The following DNM2 variants were observed in gnomAD, a reference collection of about 807,000 sequenced individuals.
DNM2 encodes the protein dynamin 2, also known as dynamin-2.
In DNM2, 15 loss-of-function variants were observed where a neutral mutation model predicts 99.0. The observed-to-expected ratio is 0.15, with a 90% CI of 0.10 to 0.23. DNM2 has a LOEUF of 0.23. Among genes scored for constraint, DNM2 ranks in the 10% least tolerant of loss-of-function variants. The pLI, the probability that DNM2 is intolerant of heterozygous loss-of-function variation, is 1.00. For missense variants in DNM2, 742 were observed against 1,189.4 expected, an observed-to-expected ratio of 0.62 and a Z score of 5.53; for synonymous variants, 525 against 481.2, an observed-to-expected ratio of 1.09 and a Z score of -1.19.
intron 5 of DNM2, among the ~76,000 whole-genome samples, chr19:10,780,604 C>T (rs2071336421): frequency 1.3e-5 from 2 of 152,080 alleles, no homozygotes; most frequent in Admixed American, 6.6e-5. Flanking sequence ...TTTTTCCTGG[C>T]GTACTAATGA....
rs748961685 is a variant in DNM2, at chr19:10,811,250, C to T, written c.1558-1014C>T. Reference sequence around the variant, plus strand: ...CACTCACATCCAGCCACCAAGGAGCCGCTGGAGCTGTGGGCTGGTGGCCCT... The same window carrying T: ...CACTCACATCCAGCCACCAAGGAGCTGCTGGAGCTGTGGGCTGGTGGCCCT... On this transcript the variant is annotated intron_variant, in intron 14 of 20. Transcript: ENST00000389253. The surrounding 1 kb of genome is among the most constrained non-coding windows in gnomAD (Gnocchi z 5.4). The T allele has an allele frequency of 5.5e-6, 1 of 182,902 alleles. No individual in the cohort carries two copies. Among genetic ancestry groups the T allele is most frequent in the Non-Finnish European group, 1.2e-5 (1 of 85,696 alleles). The allele number at this position is 182,902 out of a possible 1,614,324, so 11.3% of individuals were successfully genotyped here.
intron 16 of DNM2, among the ~76,000 whole-genome samples, chr19:10,822,738 A>G (rs904253041): frequency 3.3e-5 from 5 of 151,676 alleles, no homozygotes; most frequent in African/African-American, 1.2e-4. Flanking sequence ...ACCTCAGTTG[A>G]TCCTCCTGCC....
chr19:10,750,558 TG>T (rs1467451166), intron 1 of DNM2, among the ~76,000 whole-genome samples: 1 of 152,158 alleles, frequency 6.6e-6, no homozygotes, highest in African/African-American at 2.4e-5. Flanking sequence ...GAGGTTTGCC[TG>T]TACCCTGGAG....
chr19:10,791,780 C>T (rs2071762144), intron 7 of DNM2, among the ~76,000 whole-genome samples: 1 of 152,058 alleles, frequency 6.6e-6, no homozygotes, highest in Non-Finnish European at 1.5e-5. Context: ...CTGGTTTGGT[C>T]CACAATTCAA....
At chr19:10,802,976 C>G (rs1351742957) in intron 12 of DNM2, among the ~76,000 whole-genome samples, 1 of 152,206 alleles carries the variant, frequency 6.6e-6, no homozygotes. Flanking sequence ...GAGGCTCACG[C>G]AGGCCTTCCT....
At chr19:10,786,321 C>T (rs1455627716) in intron 6 of DNM2, 1 of 607,476 alleles carries the variant, frequency 1.6e-6, no homozygotes, top group African/African-American at 1.8e-5. Flanking sequence ...GGCCCAGTGC[C>T]TGATGTCGGC....
At chr19:10,739,475 A>G (rs2069658815) in intron 1 of DNM2, among the ~76,000 whole-genome samples, 1 of 152,154 alleles carries the variant, frequency 6.6e-6, no homozygotes, top group Non-Finnish European at 1.5e-5. Flanking sequence ...TGAATTTGCC[A>G]ATTTTGGATA....
intron 1 of DNM2, among the ~76,000 whole-genome samples, chr19:10,757,159 C>T (rs1161507409): frequency 6.6e-6 from 1 of 152,156 alleles, no homozygotes; most frequent in Non-Finnish European, 1.5e-5. Flanking sequence ...CCTGCTCTGC[C>T]AGCAGCGCCC....
Position 10,820,218 on chromosome 19 carries a change from A to G in DNM2, c.1781+129A>G. The G allele has an allele frequency of 1.2e-6, 1 of 863,616 alleles. No individual in the cohort carries two copies. The highest frequency in any genetic ancestry group is 1.9e-6 in the Non-Finnish European group (1 of 527,792). 53.5% of individuals were successfully genotyped at this position (863,616 alleles called of 1,614,324 possible). ...CCTGCCCTTGGGACCCAGCTTTTAG[A>G]AAGGGGAGTCACGTGAGAAATAGCA... On this transcript the variant is annotated intron_variant, in intron 16 of 20. Transcript: ENST00000389253. The surrounding 1 kb of genome is among the most constrained non-coding windows in gnomAD (Gnocchi z 4.3).
intron 1 of DNM2, among the ~76,000 whole-genome samples, chr19:10,732,469 G>A (rs1405774474): frequency 6.6e-6 from 1 of 151,564 alleles, no homozygotes; most frequent in East Asian, 2.0e-4. Flanking sequence ...GCGTGGTGGC[G>A]AGCGCCTGTA....
At chr19:10,824,808 A>G (rs1435657638) in intron 17 of DNM2, 3 of 551,068 alleles carry the variant, frequency 5.4e-6, no homozygotes, top group African/African-American at 3.8e-5. Flanking sequence ...GACTGTGTCA[A>G]AAAAAAACAA....
intron 5 of DNM2, 120 bp from the exon 6 acceptor site, chr19:10,782,840 G>A (rs1437837485): frequency 7.3e-6 from 10 of 1,370,468 alleles, no homozygotes; most frequent in Non-Finnish European, 1.0e-5. Flanking sequence ...AACATGTTAT[G>A]ACAGCTGTGA....
At position 10,816,643 on chromosome 19, in the gene DNM2, T is replaced by G. The variant is rs571754472; in HGVS notation, c.1672-3337T>G. Among the ~76,000 whole-genome samples, 2 of 152,160 alleles carry G rather than the reference T, an allele frequency of 1.3e-5. No homozygotes were observed. Among genetic ancestry groups the G allele is most frequent in the South Asian group, 4.2e-4 (2 of 4,816 alleles). ...AGTGAGAAACCAGCCTGCGCTGTGGTGTGTGGGCTGTCAGGCCGGCTGAGA... is the reference window on the plus strand; with the variant it reads ...AGTGAGAAACCAGCCTGCGCTGTGGGGTGTGGGCTGTCAGGCCGGCTGAGA... On this transcript the variant is annotated intron_variant, in intron 15 of 20. Coordinates refer to ENST00000389253, the MANE Select transcript of DNM2 (RefSeq NM_001005361.3). This position sits in a 1 kb window ranked among gnomAD's most constrained non-coding sequence, Gnocchi z 4.6.
chr19:10,797,519 GTAACAGGTTTTGTTC>G lies in DNM2; in HGVS notation c.1335+3_1335+17del. The G allele has an allele frequency of 6.2e-7, 1 of 1,613,978 alleles. No homozygotes were observed. Among genetic ancestry groups the G allele is most frequent in the East Asian group, 2.2e-5 (1 of 44,864 alleles). ...GGTCATAAAAAAGTGTGCCGAGAAG[GTAACAGGTTTTGTTC>G]TCATCTCCGCATTTGTCCCCGTCCT... On this transcript the variant is annotated splice_donor_variant and splice_donor_5th_base_variant and intron_variant, in intron 10 of 20. Transcript: ENST00000389253. LOFTEE classifies it high-confidence loss of function.
chr19:10,774,089 G>A (rs1174706325), intron 3 of DNM2, among the ~76,000 whole-genome samples: 2 of 152,148 alleles, frequency 1.3e-5, no homozygotes, highest in African/African-American at 4.8e-5. Context: ...AAGGTATATC[G>A]CAAAAACCTA....
At chr19:10,798,938 A>G (rs2146040564) in intron 11 of DNM2, among the ~76,000 whole-genome samples, 1 of 152,346 alleles carries the variant, frequency 6.6e-6, no homozygotes, top group South Asian at 2.1e-4. Flanking sequence ...AAAAACCCAC[A>G]GGCCAGGCTG....
chr19:10,798,293 G>A (rs2072010368), intron 10 of DNM2, 193 bp from the exon 11 acceptor site: 5 of 612,066 alleles, frequency 8.2e-6, no homozygotes, highest in Non-Finnish European at 1.5e-5. Context: ...GCTGTCTCCG[G>A]TCCACGGTGC....
At chr19:10,722,962 C>T (rs2068987249) in intron 1 of DNM2, among the ~76,000 whole-genome samples, 1 of 151,518 alleles carries the variant, frequency 6.6e-6, no homozygotes, top group Non-Finnish European at 1.5e-5. Flanking sequence ...AATAGCACTT[C>T]TTTCCCTTTC....
intron 1 of DNM2, among the ~76,000 whole-genome samples, chr19:10,743,629 T>C (rs1309826046): frequency 1.3e-5 from 2 of 151,354 alleles, no homozygotes; most frequent in African/African-American, 4.9e-5. Flanking sequence ...GCTAATATGG[T>C]AAAACTCCGT....
Sources: gnomAD v4.1 joint callset for allele counts (sites outside exome capture counted in the v4.1 genomes callset) on GRCh38, gnomAD v4.1.1 for gene constraint, Gnocchi (gnomAD v3.1) non-coding constraint, MANE v1.5 for transcripts, NCBI Gene and HGNC (gene_info 2026-07-23, HGNC 2026-07-21) for gene names.